Variants in AUTS2 observed in about 807,000 individuals in gnomAD.
AUTS2 encodes the protein autism susceptibility gene 2 protein.
A neutral mutation model predicts 112.4 loss-of-function variants in AUTS2; 17 were observed. The observed-to-expected ratio is 0.15, with a 90% confidence interval of 0.10 to 0.23. The LOEUF (loss-of-function observed/expected upper bound fraction) is 0.23. AUTS2 is among the 10% of genes least tolerant of loss of function. The pLI, the probability that AUTS2 is intolerant of heterozygous loss-of-function variation, is 1.00. For missense variants in AUTS2, 1,510 were observed against 1,701.6 expected, an observed-to-expected ratio of 0.89 and a Z score of 1.98; for synonymous variants, 751 against 702.7, an observed-to-expected ratio of 1.07 and a Z score of -1.09.
chr7:69,714,883 TGTA>T (rs1373087911), intron 1 of AUTS2, among the ~76,000 whole-genome samples: 18 of 152,108 alleles, frequency 1.2e-4, no homozygotes, highest in Non-Finnish European at 1.9e-4. Flanking sequence ...GCAGTATTCT[TGTA>T]GTCAGTATTC....
intron 2 of AUTS2, among the ~76,000 whole-genome samples, chr7:69,909,740 T>G (rs1562962998): frequency 6.6e-6 from 1 of 152,170 alleles, no homozygotes. Flanking sequence ...TTTGTTTAAA[T>G]AGCAAAACCT....
chr7:69,883,878 G>A (rs919209291), intron 1 of AUTS2, among the ~76,000 whole-genome samples: 2 of 152,106 alleles, frequency 1.3e-5, no homozygotes, highest in Non-Finnish European at 2.9e-5. Flanking sequence ...AAATATATAC[G>A]CGTTTGCCAG....
chr7:70,143,587 A>G (rs1425413619), intron 4 of AUTS2, among the ~76,000 whole-genome samples: 1 of 152,192 alleles, frequency 6.6e-6, no homozygotes, highest in African/African-American at 2.4e-5. Context: ...CCTTCCTTAT[A>G]CTGTATTTAA....
chr7:70,320,781 G>A (rs1445847195), intron 4 of AUTS2, among the ~76,000 whole-genome samples: 2 of 152,208 alleles, frequency 1.3e-5, no homozygotes, highest in Admixed American at 6.5e-5. Flanking sequence ...AGTTTTAGAG[G>A]TGGAAGGGCA....
intron 2 of AUTS2, among the ~76,000 whole-genome samples, chr7:69,923,999 G>C (rs1795912447): frequency 6.6e-6 from 1 of 152,148 alleles, no homozygotes; most frequent in South Asian, 2.1e-4. Flanking sequence ...GAAGAGACAA[G>C]ACTGGACACT....
rs368181350 is a variant in AUTS2 at position 70,543,313 on chromosome 7, C to T, written c.690+107532C>T. Among the ~76,000 whole-genome samples the T allele has an allele frequency of 2.9e-4, 44 of 152,058 alleles. 2 individuals are homozygous for T. In the South Asian group the frequency reaches 8.9e-3, roughly 31 times the overall value. On this transcript the variant is annotated intron_variant, in intron 5 of 18. Coordinates refer to ENST00000342771, the MANE Select transcript of AUTS2 (RefSeq NM_015570.4). Reference sequence around the variant, plus strand: ...GGTCAGGAGTTTGAGACCAGCCTGACCAAGATGGTGAAACCTCGTCTCTAC... The same window carrying T: ...GGTCAGGAGTTTGAGACCAGCCTGATCAAGATGGTGAAACCTCGTCTCTAC...
At chr7:70,669,101 A>G (rs1419784957) in intron 5 of AUTS2, among the ~76,000 whole-genome samples, 1 of 152,222 alleles carries the variant, frequency 6.6e-6, no homozygotes, top group Non-Finnish European at 1.5e-5. Flanking sequence ...ACATGACTTG[A>G]AAATGCCGCT....
intron 5 of AUTS2, among the ~76,000 whole-genome samples, chr7:70,657,662 G>T (rs1188028903): frequency 1.3e-5 from 2 of 152,158 alleles, no homozygotes; most frequent in African/African-American, 4.8e-5. Context: ...TTTTCCCCTA[G>T]CGTCACTCCT....
chr7:70,088,365 G>A (rs1253450783), intron 2 of AUTS2, among the ~76,000 whole-genome samples: 1 of 151,884 alleles, frequency 6.6e-6, no homozygotes, highest in Admixed American at 6.6e-5. Flanking sequence ...CTGACCTCGT[G>A]ATCTTCCCGC....
chr7:69,974,165 C>G (rs1238365662), intron 2 of AUTS2, among the ~76,000 whole-genome samples: 1 of 151,102 alleles, frequency 6.6e-6, no homozygotes, highest in African/African-American at 2.4e-5. Flanking sequence ...GGTAGTTTTT[C>G]TTTGTAAGGA....
chr7:70,538,233 T>C (rs1800401874), intron 5 of AUTS2, among the ~76,000 whole-genome samples: 1 of 152,002 alleles, frequency 6.6e-6, no homozygotes, highest in African/African-American at 2.4e-5. Flanking sequence ...TGAGACCCTG[T>C]GTAAGAGAGA....
intron 1 of AUTS2, among the ~76,000 whole-genome samples, chr7:69,668,702 A>G (rs1291067112): frequency 2.6e-5 from 4 of 152,204 alleles, no homozygotes; most frequent in Non-Finnish European, 4.4e-5. Flanking sequence ...CTTTAGCCCT[A>G]TGCTGCCCAT....
intron 5 of AUTS2, among the ~76,000 whole-genome samples, chr7:70,534,306 T>G (rs752875488): frequency 2.0e-5 from 3 of 152,242 alleles, no homozygotes; most frequent in Non-Finnish European, 2.9e-5. Context: ...GTTGGCACTT[T>G]GGGAAAGACC....
chr7:70,701,990 A>T (rs1809485443), intron 6 of AUTS2, among the ~76,000 whole-genome samples: 1 of 152,198 alleles, frequency 6.6e-6, no homozygotes, highest in Admixed American at 6.5e-5. Context: ...TTATTCTATA[A>T]AGGAACTTTC....
chr7:70,148,739 A>G (rs1354762505), intron 4 of AUTS2, among the ~76,000 whole-genome samples: 2 of 152,148 alleles, frequency 1.3e-5, no homozygotes, highest in East Asian at 1.9e-4. Flanking sequence ...AAGTAAAACA[A>G]AAAACGGTGT....
chr7:70,129,841 T>G (rs2129574460), intron 3 of AUTS2, among the ~76,000 whole-genome samples: 1 of 152,232 alleles, frequency 6.6e-6, no homozygotes, highest in Middle Eastern at 3.4e-3. Flanking sequence ...TTGCTCCATT[T>G]TTACTTGATT....
intron 2 of AUTS2, among the ~76,000 whole-genome samples, chr7:70,066,437 T>G (rs1802495712): frequency 6.6e-6 from 1 of 152,126 alleles, no homozygotes; most frequent in Admixed American, 6.5e-5. Flanking sequence ...ATAGAGGAAA[T>G]GAATGAAAAG....
At chr7:69,901,768 C>A (rs1237948897) in intron 2 of AUTS2, among the ~76,000 whole-genome samples, 3 of 152,170 alleles carry the variant, frequency 2.0e-5, no homozygotes, top group Non-Finnish European at 4.4e-5. Context: ...AGAAGGAATG[C>A]AGAAGGTGAT....
At chr7:70,770,722 A>G (rs908018101) in intron 10 of AUTS2, among the ~76,000 whole-genome samples, 1 of 152,200 alleles carries the variant, frequency 6.6e-6, no homozygotes, top group Non-Finnish European at 1.5e-5. Context: ...GTATCCTCCA[A>G]AGAGCTTGTT....
Sources: gnomAD v4.1 joint callset for allele counts (sites outside exome capture counted in the v4.1 genomes callset) on GRCh38, gnomAD v4.1.1 for gene constraint, MANE v1.5 for transcripts, NCBI Gene and HGNC (gene_info 2026-07-23, HGNC 2026-07-21) for gene names.